Variants in HSF2BP observed in about 807,000 individuals in gnomAD.
HSF2BP encodes the protein heat shock factor 2-binding protein.
Under a neutral mutation model 35.0 loss-of-function variants are expected in HSF2BP, and 35 were observed. That is an observed-to-expected ratio of 1.00 (90% CI 0.76 to 1.32). HSF2BP has a LOEUF of 1.32. Ranked by LOEUF, HSF2BP falls within the 40% of genes most tolerant of loss-of-function variation. HSF2BP has a pLI of 0.00. For missense variants in HSF2BP, 326 were observed against 321.7 expected, an observed-to-expected ratio of 1.01 and a Z score of -0.10; for synonymous variants, 114 against 117.4, an observed-to-expected ratio of 0.97 and a Z score of 0.18.
intron 6 of HSF2BP, among the ~76,000 whole-genome samples, chr21:43,617,517 A>C (rs925675763): frequency 2.7e-5 from 4 of 150,844 alleles, no homozygotes; most frequent in Admixed American, 6.6e-5. Context: ...AGTCAATTCA[A>C]GGCCTACAGA....
At chr21:43,593,704 AGGGT>A (rs956256519) in intron 7 of HSF2BP, among the ~76,000 whole-genome samples, 1 of 152,212 alleles carries the variant, frequency 6.6e-6, no homozygotes, top group African/African-American at 2.4e-5. Context: ...GTAAAACTCA[AGGGT>A]AATTAGACAC....
intron 8 of HSF2BP, among the ~76,000 whole-genome samples, chr21:43,581,130 T>C (rs1166852285): frequency 6.6e-6 from 1 of 152,204 alleles, no homozygotes; most frequent in Non-Finnish European, 1.5e-5. Context: ...TTCACGCCTG[T>C]AATCCCAGCA....
At chr21:43,655,302 G>C (rs1029979004) in intron 3 of HSF2BP, among the ~76,000 whole-genome samples, 19 of 152,182 alleles carry the variant, frequency 1.2e-4, no homozygotes, top group African/African-American at 4.6e-4. Flanking sequence ...GAAATTAGAA[G>C]TCAATGACCT....
intron 7 of HSF2BP, among the ~76,000 whole-genome samples, chr21:43,611,383 C>T (rs1259926119): frequency 1.3e-5 from 2 of 152,202 alleles, no homozygotes; most frequent in Non-Finnish European, 2.9e-5. Flanking sequence ...ACCCTCCAGT[C>T]TCGCTTCCAC....
At chr21:43,638,383 G>A (rs2082592727) in intron 4 of HSF2BP, among the ~76,000 whole-genome samples, 1 of 151,912 alleles carries the variant, frequency 6.6e-6, no homozygotes, top group Admixed American at 6.6e-5. Flanking sequence ...GCCTGAACCT[G>A]AGAGGCAGAG....
intron 6 of HSF2BP, among the ~76,000 whole-genome samples, chr21:43,615,528 G>A (rs201936535): frequency 2.0e-5 from 3 of 152,260 alleles, no homozygotes; most frequent in African/African-American, 7.2e-5. Flanking sequence ...CCACAAGAGG[G>A]ATAGTAAAGT....
At chr21:43,611,236 ACT>A (rs749557295) in intron 7 of HSF2BP, among the ~76,000 whole-genome samples, 1 of 151,666 alleles carries the variant, frequency 6.6e-6, no homozygotes, top group African/African-American at 2.4e-5. Context: ...ACAAAGCAAG[ACT>A]CTGTCTCAAA....
intron 6 of HSF2BP, among the ~76,000 whole-genome samples, chr21:43,619,085 C>A (rs771322633): frequency 5.3e-5 from 8 of 152,114 alleles, no homozygotes; most frequent in Non-Finnish European, 1.2e-4. Context: ...GTAGCTGGGA[C>A]TACAGGCCTG....
chr21:43,653,888 G>C (rs1212663310), intron 3 of HSF2BP, among the ~76,000 whole-genome samples: 2 of 152,114 alleles, frequency 1.3e-5, no homozygotes, highest in East Asian at 3.9e-4. Context: ...GGAGTAGTGA[G>C]GAAGAGAGAC....
At chr21:43,633,533 A>G in intron 4 of HSF2BP, 112 bp from the exon 5 acceptor site, 1 of 1,000,042 alleles carries the variant, frequency 1.0e-6, no homozygotes, top group Non-Finnish European at 1.4e-6. Flanking sequence ...GTATAATTAT[A>G]GAAAATAGTT....
chr21:43,618,071 G>A (rs553799030), intron 6 of HSF2BP, among the ~76,000 whole-genome samples: 2 of 151,948 alleles, frequency 1.3e-5, no homozygotes, highest in Non-Finnish European at 2.9e-5. Flanking sequence ...TGAGTCTTAG[G>A]CAACATAATG....
chr21:43,636,382 T>A (rs1481417900), intron 4 of HSF2BP, among the ~76,000 whole-genome samples: 2 of 152,086 alleles, frequency 1.3e-5, no homozygotes, highest in Non-Finnish European at 2.9e-5. Flanking sequence ...AATCATGACC[T>A]ATTAAAAAAT....
chr21:43,583,860 G>GAGTCCCAATATCTGCAGT (rs2081804993), intron 8 of HSF2BP, among the ~76,000 whole-genome samples: 1 of 128,366 alleles, frequency 7.8e-6, no homozygotes, highest in Non-Finnish European at 1.6e-5. Flanking sequence ...GAGATGAAGG[G>GAGTCCCAATATCTGCAGT]CCTGCTGAGG....
intron 8 of HSF2BP, among the ~76,000 whole-genome samples, chr21:43,586,265 T>C (rs1047269858): frequency 6.6e-6 from 1 of 152,140 alleles, no homozygotes; most frequent in Non-Finnish European, 1.5e-5. Context: ...AAGCCAGCCA[T>C]GTAGCTGAAC....
chr21:43,618,988 CTTTA>C (rs1202388942), intron 6 of HSF2BP, among the ~76,000 whole-genome samples: 2 of 151,588 alleles, frequency 1.3e-5, no homozygotes, highest in Admixed American at 6.6e-5. Context: ...CTATAAAATT[CTTTA>C]TTTATTTTTT....
At chr21:43,629,100 A>G (rs1303206109) in intron 6 of HSF2BP, among the ~76,000 whole-genome samples, 2 of 152,188 alleles carry the variant, frequency 1.3e-5, no homozygotes, top group African/African-American at 4.8e-5. Context: ...TACAATACCT[A>G]TTCTTCAGCT....
chr21:43,580,401 T>A (rs1042882548), intron 8 of HSF2BP, among the ~76,000 whole-genome samples: 3 of 152,216 alleles, frequency 2.0e-5, no homozygotes, highest in African/African-American at 7.2e-5. Flanking sequence ...TTGACATCCT[T>A]TGACGTACGA....
intron 2 of HSF2BP, among the ~76,000 whole-genome samples, chr21:43,657,449 A>G (rs2082887212): frequency 6.6e-6 from 1 of 152,220 alleles, no homozygotes; most frequent in Non-Finnish European, 1.5e-5. Context: ...TCAGGAGGAA[A>G]AGGAAGTCAT....
intron 7 of HSF2BP, among the ~76,000 whole-genome samples, chr21:43,609,019 C>G (rs930275405): frequency 1.3e-5 from 2 of 152,148 alleles, no homozygotes; most frequent in African/African-American, 2.4e-5. Context: ...ATAGAATCAA[C>G]CCAGGTGTCC....
Sources: gnomAD v4.1 joint callset for allele counts (sites outside exome capture counted in the v4.1 genomes callset) on GRCh38, gnomAD v4.1.1 for gene constraint, MANE v1.5 for transcripts, NCBI Gene and HGNC (gene_info 2026-07-23, HGNC 2026-07-21) for gene names.